The following RORB variants were observed in gnomAD, a reference collection of about 807,000 sequenced individuals.
RORB encodes the protein RAR related orphan receptor B, also known as nuclear receptor ROR-beta.
RORB carries 6 observed loss-of-function variants against 59.1 expected under a neutral mutation model. The ratio of observed to expected loss-of-function variants is 0.10; its 90% CI spans 0.06 to 0.20. The LOEUF (loss-of-function observed/expected upper bound fraction) is 0.20, where lower values mean the gene tolerates loss of function less well. RORB is among the 10% of genes least tolerant of loss of function. RORB has a pLI of 1.00. For synonymous variants in RORB, 215 were observed against 204.5 expected (o/e 1.05, Z -0.44); for missense variants, 320 against 560.5 (o/e 0.57, Z 4.33).
At chr9:74,682,153 A>G (rs917878892) in intron 9 of RORB, among the ~76,000 whole-genome samples, 3 of 151,818 alleles carry the variant, frequency 2.0e-5, no homozygotes, top group Admixed American at 6.6e-5. Context: ...CTGTAAAAAA[A>G]TTTTTGTTGC....
chr9:74,509,781 G>A (rs1256570587), intron 1 of RORB, among the ~76,000 whole-genome samples: 2 of 151,938 alleles, frequency 1.3e-5, no homozygotes, highest in Non-Finnish European at 2.9e-5. Context: ...TTGTGTACAA[G>A]CATAAGATGT....
intron 1 of RORB, among the ~76,000 whole-genome samples, chr9:74,548,018 A>G (rs1258436706): frequency 6.6e-6 from 1 of 152,218 alleles, no homozygotes; most frequent in Non-Finnish European, 1.5e-5. Context: ...AATTGTTTTT[A>G]ATGTTGAGTT....
intron 9 of RORB, among the ~76,000 whole-genome samples, chr9:74,676,396 C>T (rs1435891625): frequency 6.6e-6 from 1 of 152,200 alleles, no homozygotes; most frequent in Admixed American, 6.5e-5. Context: ...CAACAGGAAG[C>T]CATAGAGAAC....
In RORB at chr9:74,660,654, G is replaced by A; in HGVS notation, c.675G>A (p.Glu225=). The A allele has an allele frequency of 6.2e-7, 1 of 1,613,660 alleles. No individual in the cohort carries two copies. The highest frequency in any genetic ancestry group is 1.1e-5 in the South Asian group (1 of 91,004). Residue 225 remains glutamate, a synonymous_variant, in exon 5 of 10, where the codon GAG becomes GAA. Coordinates refer to ENST00000376896, the MANE Select transcript of RORB (RefSeq NM_006914.4). ...IAQNIIKSHL[E]TCQYTMEELH... is the part of the protein sequence containing the mutation. ...AGAACATCATTAAGTCCCATTTGGA[G>A]ACATGTCAATACACCATGGAAGAGC...
intron 1 of RORB, among the ~76,000 whole-genome samples, chr9:74,501,378 CCTG>C (rs1825802005): frequency 6.6e-6 from 1 of 152,094 alleles, no homozygotes; most frequent in African/African-American, 2.4e-5. Context: ...CTCTGAATGT[CCTG>C]CTGGCAGGGC....
chr9:74,517,578 A>T (rs557276709), intron 1 of RORB, among the ~76,000 whole-genome samples: 2 of 152,092 alleles, frequency 1.3e-5, no homozygotes. Context: ...GAATCTGGAA[A>T]TAGAAATATT....
At chr9:74,633,924 C>T (rs1823659463) in intron 2 of RORB, among the ~76,000 whole-genome samples, 2 of 151,744 alleles carry the variant, frequency 1.3e-5, no homozygotes, top group African/African-American at 2.4e-5. Context: ...TTTCCAGACC[C>T]GGTCACGGTG....
intron 1 of RORB, among the ~76,000 whole-genome samples, chr9:74,530,289 T>C (rs971818717): frequency 6.6e-6 from 1 of 152,038 alleles, no homozygotes; most frequent in African/African-American, 2.4e-5. Flanking sequence ...CAAAGTCAAA[T>C]CTATCATAGT....
chr9:74,575,661 C>T (rs1045325402), intron 1 of RORB, among the ~76,000 whole-genome samples: 1 of 151,960 alleles, frequency 6.6e-6, no homozygotes, highest in African/African-American at 2.4e-5. Flanking sequence ...AATCTGACTA[C>T]TAGAGCTCAC....
intron 1 of RORB, among the ~76,000 whole-genome samples, chr9:74,602,548 C>T (rs980514022): frequency 6.6e-6 from 1 of 152,184 alleles, no homozygotes; most frequent in Non-Finnish European, 1.5e-5. Flanking sequence ...TGACAAGTGA[C>T]GATCCGTCCT....
chr9:74,653,442 A>C (rs1824027264), intron 4 of RORB, among the ~76,000 whole-genome samples: 1 of 152,164 alleles, frequency 6.6e-6, no homozygotes, highest in Non-Finnish European at 1.5e-5. Context: ...ATTTTTAGGA[A>C]GAATACTTCC....
At chr9:74,554,992 A>T (rs1053939880) in intron 1 of RORB, among the ~76,000 whole-genome samples, 1 of 152,152 alleles carries the variant, frequency 6.6e-6, no homozygotes. Context: ...ACCTAGAGAG[A>T]AACGTGGGCG....
chr9:74,597,167 G>A (rs10114460), intron 1 of RORB, among the ~76,000 whole-genome samples: 1 of 152,082 alleles, frequency 6.6e-6, no homozygotes. Context: ...AGGAGACTAC[G>A]TTTTGAGAAT....
intron 1 of RORB, among the ~76,000 whole-genome samples, chr9:74,505,431 T>G (rs991110012): frequency 1.1e-4 from 16 of 152,116 alleles, no homozygotes; most frequent in Non-Finnish European, 1.3e-4. Context: ...CAGCCATATA[T>G]ATAAAAAGAA....
intron 1 of RORB, among the ~76,000 whole-genome samples, chr9:74,547,146 C>T (rs1013377267): frequency 6.6e-6 from 1 of 151,880 alleles, no homozygotes; most frequent in Non-Finnish European, 1.5e-5. Flanking sequence ...AGAGGAGAGA[C>T]CCAAGTATGT....
intron 1 of RORB, among the ~76,000 whole-genome samples, chr9:74,500,828 C>G (rs1017563455): frequency 6.6e-6 from 1 of 152,144 alleles, no homozygotes; most frequent in Non-Finnish European, 1.5e-5. Flanking sequence ...AACTGAGTCC[C>G]GGACACAGCG....
chr9:74,514,538 G>T (rs1825982735), intron 1 of RORB, among the ~76,000 whole-genome samples: 1 of 151,974 alleles, frequency 6.6e-6, no homozygotes, highest in South Asian at 2.1e-4. Context: ...ATGTCTTATT[G>T]AACTTAGTAT....
At chr9:74,639,788 G>A (rs1300909121) in intron 3 of RORB, among the ~76,000 whole-genome samples, 2 of 152,134 alleles carry the variant, frequency 1.3e-5, no homozygotes, top group African/African-American at 2.4e-5. Flanking sequence ...CTTTCCTGGG[G>A]GAGAAGGGGA....
At chr9:74,527,410 A>G (rs1231373975) in intron 1 of RORB, among the ~76,000 whole-genome samples, 3 of 152,048 alleles carry the variant, frequency 2.0e-5, no homozygotes, top group East Asian at 3.9e-4. Flanking sequence ...TGAAACCTAC[A>G]TTCCAGAAGG....
Sources: gnomAD v4.1 joint callset for allele counts (sites outside exome capture counted in the v4.1 genomes callset) on GRCh38, gnomAD v4.1.1 for gene constraint, MANE v1.5 for transcripts, NCBI Gene and HGNC (gene_info 2026-07-23, HGNC 2026-07-21) for gene names.